HEATR6: variants seen among roughly 807,000 people sequenced by gnomAD.
HEATR6 encodes the protein HEAT repeat-containing protein 6.
In HEATR6, 106 loss-of-function variants were observed where a neutral mutation model predicts 132.8. The observed-to-expected ratio is 0.80, with a 90% CI of 0.68 to 0.94. The LOEUF (loss-of-function observed/expected upper bound fraction) is 0.94. Among genes scored for constraint, HEATR6 ranks in the 40% least tolerant of loss-of-function variants. HEATR6 has a pLI of 0.00. For synonymous variants in HEATR6, 529 were observed against 537.8 expected, an observed-to-expected ratio of 0.98 and a Z score of 0.23; for missense variants, 1,339 against 1,425.1, an observed-to-expected ratio of 0.94 and a Z score of 0.97.
At position 60,067,501 on chromosome 17, in the gene HEATR6, A is replaced by C. The variant is rs1169811362; in HGVS notation, c.1171T>G (p.Trp391Gly). 1 of 1,607,434 alleles carries C rather than the reference A, an allele frequency of 6.2e-7. No individual in the cohort carries two copies. The highest frequency in any genetic ancestry group is 1.3e-5 in the African/African-American group (1 of 74,480). Residue 391 changes from tryptophan (W) to glycine (G), a missense_variant, in exon 8 of 20, where the codon TGG becomes GGG. Transcript: ENST00000184956. ...GVSSSFSSSS[W>G]KRVSSSESDF... ...GACTCACTACTGCTGACCCTTTTCC[A>C]ACTGGAAGAACTGAAGGATGAGGAG...
chr17:60,049,010 A>G (rs1402562973), intron 16 of HEATR6, among the ~76,000 whole-genome samples: 1 of 137,338 alleles, frequency 7.3e-6, no homozygotes, highest in African/African-American at 2.8e-5. Flanking sequence ...ATATATATAT[A>G]TATATATATG....
Position 60,050,708 on chromosome 17 carries a change from C to A in HEATR6, c.2424+135G>T, listed in dbSNP as rs1364217629. On this transcript the variant is annotated intron_variant, in intron 15 of 19. Coordinates refer to ENST00000184956, the MANE Select transcript of HEATR6 (RefSeq NM_022070.5). Reference sequence around the variant, plus strand: ...CCTATTTGCTGTTCCCCAGTGCCCTCATCCCCAACTCAAGTAGAACTAGCG... The same window carrying A: ...CCTATTTGCTGTTCCCCAGTGCCCTAATCCCCAACTCAAGTAGAACTAGCG... The A allele has an allele frequency of 2.7e-5, 28 of 1,035,096 alleles. 1 individual carries two copies. The highest frequency in any genetic ancestry group is 5.6e-4 in the Middle Eastern group (2 of 3,602). 64.1% of individuals were successfully genotyped at this position (1,035,096 alleles called of 1,614,324 possible).
chr17:60,073,080 C>CT, intron 4 of HEATR6, 84 bp downstream of exon 4: 1 of 722,216 alleles, frequency 1.4e-6, no homozygotes, highest in Non-Finnish European at 2.4e-6. Context: ...TTGGCTCTGG[C>CT]TTCAGGCACA....
intron 7 of HEATR6, 93 bp from the exon 8 acceptor site, chr17:60,067,825 A>T: frequency 1.0e-6 from 1 of 1,004,434 alleles, no homozygotes; most frequent in Non-Finnish European, 1.5e-6. Flanking sequence ...GTGACTAAAT[A>T]TGTCCCCAAC....
At position 60,050,888 on chromosome 17, in the gene HEATR6, A is replaced by C. The variant is rs774490041; in HGVS notation, c.2379T>G (p.Cys793Trp). ...CTGGCAAGATGGAAGACAGGGCATC[A>C]CAGGCGCTCGCCTGGAGAGTTGGGT... ...SEHPTLQASA[C>W]DALSSILPEA... is the part of the protein sequence containing the mutation. Residue 793 changes from cysteine to tryptophan, a missense_variant, in exon 15 of 20, where the codon TGT becomes TGG. Cys to Trp is a radical substitution (Grantham distance 215). Coordinates refer to ENST00000184956, the MANE Select transcript of HEATR6 (RefSeq NM_022070.5). The C allele has an allele frequency of 8.0e-5, 129 of 1,614,096 alleles. No individual in the cohort carries two copies. Among genetic ancestry groups the C allele is most frequent in the Non-Finnish European group, 1.1e-4 (127 of 1,180,032 alleles).
At chr17:60,066,448 AAACATG>A in intron 8 of HEATR6, 62 bp from the exon 9 acceptor site, 1 of 1,218,162 alleles carries the variant, frequency 8.2e-7, no homozygotes, top group Non-Finnish European at 1.1e-6. Flanking sequence ...AAAAAAATGC[AAACATG>A]AAATGGTATT....
intron 1 of HEATR6, 50 bp downstream of exon 1, chr17:60,078,646 T>C: frequency 6.9e-7 from 1 of 1,440,730 alleles, no homozygotes. Context: ...ACCAGCTGGG[T>C]TCCCGGAGGG....
At chr17:60,069,924 A>C in intron 6 of HEATR6, 76 bp from the exon 7 acceptor site, 1 of 1,538,310 alleles carries the variant, frequency 6.5e-7, no homozygotes, top group Non-Finnish European at 8.9e-7. Context: ...TTAATCATAA[A>C]ATAGAACTAT....
chr17:60,049,683 C>T lies in HEATR6; in HGVS notation c.2444G>A (p.Cys815Tyr), dbSNP rs949029935. 3.1e-6 allele frequency: 5 copies of T among 1,613,378 alleles called. No homozygotes were observed. The highest frequency in any genetic ancestry group is 4.2e-6 in the Non-Finnish European group (5 of 1,179,610). The change falls in exon 16 of 20, where the codon TGC becomes TAC. Residue 815 changes from cysteine (C) to tyrosine (Y), a missense_variant. By Grantham distance (194) the Cys-to-Tyr change is radical. Coordinates refer to ENST00000184956, the MANE Select transcript of HEATR6 (RefSeq NM_022070.5). ...SNLPNDRQML[C>Y]ITVLLGLNDS... The stretch of plus-strand genomic sequence containing the variant: ...ATTCAGCCCGAGCAGCACTGTGATG[C>T]ACAGCATCTGCCTGTCATTCTGCAA...
intron 11 of HEATR6, among the ~76,000 whole-genome samples, 200 bp downstream of exon 11, chr17:60,059,222 C>G (rs1906852787): frequency 6.6e-6 from 1 of 152,218 alleles, no homozygotes; most frequent in African/African-American, 2.4e-5. Flanking sequence ...AATTAATCCT[C>G]TAGCTCACTT....
chr17:60,063,590 A>T (rs1460910046), intron 9 of HEATR6: 2 of 152,576 alleles, frequency 1.3e-5, no homozygotes, highest in Non-Finnish European at 2.9e-5. Flanking sequence ...CCAATTAACC[A>T]TTCTAGCATA....
chr17:60,046,109 C>G lies in HEATR6; in HGVS notation c.2890G>C (p.Val964Leu), dbSNP rs1364138996. ...ACTTTCATGGCAGCTTCTGTTAGAA[C>G]AGTAGAAATTAGGGCCTGGATAGAC... ...EESIQALIST[V>L]LTEAAMKVRW... The change falls in exon 19 of 20, where the codon GTT becomes CTT. Residue 964 changes from valine to leucine, a missense_variant. Coordinates refer to ENST00000184956, the MANE Select transcript of HEATR6 (RefSeq NM_022070.5). The G allele has an allele frequency of 1.9e-6, 3 of 1,613,904 alleles. No homozygotes were observed. Among genetic ancestry groups the G allele is most frequent in the African/African-American group, 1.3e-5 (1 of 74,918 alleles).
At chr17:60,067,086 C>T (rs941834389) in intron 8 of HEATR6, among the ~76,000 whole-genome samples, 2 of 151,456 alleles carry the variant, frequency 1.3e-5, no homozygotes, top group African/African-American at 2.4e-5. Context: ...CCGGCTAAAA[C>T]GGTGAAACCC....
chr17:60,056,663 A>G (rs905069423), intron 12 of HEATR6, among the ~76,000 whole-genome samples: 4 of 152,192 alleles, frequency 2.6e-5, no homozygotes, highest in Non-Finnish European at 5.9e-5. Context: ...TTGAAGGAAC[A>G]ATTATTTTGT....
In HEATR6 at chr17:60,057,115, C is replaced by T. The variant is rs753010202; in HGVS notation, c.2012G>A (p.Gly671Asp). ...TCCTGCTGCAGAGCCAGCATCGCTA[C>T]CTGAACAGGAATCCTCCTTGGGCAG... ...VVLPKEDSCSGSDAGSAAGST... is the reference protein window; with the variant it reads ...VVLPKEDSCSDSDAGSAAGST... Residue 671 changes from glycine (G) to aspartate (D), a missense_variant, in exon 12 of 20, where the codon GGT (glycine) becomes GAT (aspartate). By Grantham distance (94) the Gly-to-Asp change is moderately conservative. Coordinates refer to ENST00000184956, the MANE Select transcript of HEATR6 (RefSeq NM_022070.5). The T allele has an allele frequency of 1.2e-5, 19 of 1,613,982 alleles. No individual in the cohort carries two copies. The South Asian group carries it at 2.0e-4, about 17-fold the overall frequency.
At chr17:60,048,151 G>A (rs930398221) in intron 17 of HEATR6, 113 bp downstream of exon 17, 3 of 1,053,720 alleles carry the variant, frequency 2.8e-6, no homozygotes, top group African/African-American at 3.2e-5. Context: ...CAGGAAGACT[G>A]ACTGCATAAT....
At chr17:60,052,590 C>T (rs1413495957) in intron 14 of HEATR6, among the ~76,000 whole-genome samples, 2 of 152,200 alleles carry the variant, frequency 1.3e-5, no homozygotes, top group African/African-American at 2.4e-5. Context: ...TAGTGGCATT[C>T]TAAGGCAGGG....
Position 60,041,206 on chromosome 17 carries a change from G to C in HEATR6, c.*2357C>G, listed in dbSNP as rs1420055115. Among the ~76,000 whole-genome samples the C allele has an allele frequency of 4.6e-5, 7 of 152,202 alleles. No individual in the cohort carries two copies. Among genetic ancestry groups the C allele is most frequent in the Non-Finnish European group, 1.0e-4 (7 of 68,030 alleles). On this transcript the variant is annotated 3_prime_UTR_variant, in exon 20 of 20. Transcript: ENST00000184956. ...GTACCACTGCCTTCTGAAGTTTCTAGAGGTGCTATGCCTTCATTGTTTTCC... is the reference window on the plus strand; with the variant it reads ...GTACCACTGCCTTCTGAAGTTTCTACAGGTGCTATGCCTTCATTGTTTTCC...
At position 60,078,816 on chromosome 17, in the gene HEATR6, C is replaced by G. The variant is rs1455049800; in HGVS notation, c.99G>C (p.Leu33Phe). 6.2e-7 allele frequency: 1 copy of G among 1,603,708 alleles called. No individual in the cohort carries two copies. The highest frequency in any genetic ancestry group is 1.7e-4 in the Middle Eastern group (1 of 6,054). ...IPERGNGFRL[L>F]SARLCALRPD... is the part of the protein sequence containing the mutation. ...GGCGCAGGGCGCAGAGCCTGGCAGACAAGAGGCGAAACCCATTGCCTCGCT... is the reference window on the plus strand; with the variant it reads ...GGCGCAGGGCGCAGAGCCTGGCAGAGAAGAGGCGAAACCCATTGCCTCGCT... Residue 33 changes from leucine (L) to phenylalanine (F), a missense_variant, in exon 1 of 20, where the codon TTG becomes TTC. Coordinates refer to ENST00000184956, the MANE Select transcript of HEATR6 (RefSeq NM_022070.5).
Sources: allele counts gnomAD v4.1 joint callset (sites outside exome capture counted in the v4.1 genomes callset), GRCh38; gene constraint gnomAD v4.1.1; transcripts MANE v1.5; gene names NCBI Gene and HGNC (gene_info 2026-07-23, HGNC 2026-07-21).